STAG2: variants seen among roughly 807,000 people sequenced by gnomAD.
STAG2 encodes STAG2 cohesin complex component.
A neutral mutation model predicts 108.1 loss-of-function variants in STAG2; 14 were observed. That is an observed-to-expected ratio of 0.13 (90% CI 0.09 to 0.20). The LOEUF (loss-of-function observed/expected upper bound fraction) is 0.20, where lower values mean the gene tolerates loss of function less well. Ranked by LOEUF, STAG2 falls within the 10% of genes least tolerant of loss-of-function variation. The pLI is 1.00. For synonymous variants in STAG2, 307 were observed against 302.7 expected (o/e 1.01, Z -0.15); for missense variants, 440 against 940.9 (o/e 0.47, Z 6.96).
chrX:124,078,107 G>C, intron 27 of STAG2, 49 bp downstream of exon 27: 1 of 916,343 alleles, frequency 1.1e-6, no homozygotes, highest in Non-Finnish European at 1.5e-6. Flanking sequence ...ACACCTAATA[G>C]TTAGCAAAAT....
rs1009670582 is a variant in STAG2, at chrX:124,051,879, T to C, written c.1196+485T>C. Among the ~76,000 whole-genome samples the C allele has an allele frequency of 2.3e-4, 26 of 112,649 alleles. 1 individual carries two copies. The highest frequency in any genetic ancestry group is 1.7e-3 in the East Asian group (6 of 3,590). ...TGCTGGGATTACAGGCGTGAGCCACTGCGCCTGACCGAATATGGAAATTCT... is the reference window on the plus strand; with the variant it reads ...TGCTGGGATTACAGGCGTGAGCCACCGCGCCTGACCGAATATGGAAATTCT... On this transcript the variant is annotated intron_variant, in intron 13 of 34. Coordinates refer to ENST00000371145, the MANE Select transcript of STAG2 (RefSeq NM_001042750.2).
intron 1 of STAG2, among the ~76,000 whole-genome samples, chrX:123,971,392 C>A (rs1255992999): frequency 1.8e-5 from 2 of 112,220 alleles, no homozygotes; most frequent in African/African-American, 6.5e-5. Context: ...TGCGTCACTG[C>A]ACTCCAGCCT....
At chrX:124,059,364 A>G (rs895708004) in intron 15 of STAG2, among the ~76,000 whole-genome samples, 14 of 112,158 alleles carry the variant, frequency 1.2e-4, no homozygotes, top group African/African-American at 4.5e-4. Context: ...GAAGTGTCCA[A>G]TATTTCGACA....
At chrX:124,061,099 A>C in intron 15 of STAG2, 125 bp from the exon 16 acceptor site, 1 of 431,819 alleles carries the variant, frequency 2.3e-6, no homozygotes, top group Non-Finnish European at 3.8e-6. Flanking sequence ...CCTTTCATCT[A>C]TTTGACGTCA....
At chrX:124,069,827 A>G (rs1337280062) in intron 24 of STAG2, among the ~76,000 whole-genome samples, 2 of 111,931 alleles carry the variant, frequency 1.8e-5, no homozygotes, top group Non-Finnish European at 3.8e-5. Flanking sequence ...TTTCATCTCT[A>G]TAATTCAGAT....
At chrX:123,990,763 A>G in intron 1 of STAG2, among the ~76,000 whole-genome samples, 1 of 112,018 alleles carries the variant, frequency 8.9e-6, no homozygotes, top group East Asian at 2.8e-4. Context: ...ATTGAGGTTC[A>G]GTAGTTTATC....
intron 4 of STAG2, among the ~76,000 whole-genome samples, chrX:124,030,650 A>G (rs1230873590): frequency 8.9e-6 from 1 of 111,740 alleles, no homozygotes; most frequent in Non-Finnish European, 1.9e-5. Flanking sequence ...AACATCACTG[A>G]AACATAGTGT....
intron 4 of STAG2, among the ~76,000 whole-genome samples, chrX:124,028,794 TTATATATA>T (rs56052834): frequency 2.5e-4 from 19 of 75,006 alleles, no homozygotes; most frequent in South Asian, 7.9e-4. Flanking sequence ...TAAGAATAGT[TTATATATA>T]TATATATATA....
Position 124,066,373 on chromosome X carries a change from G to A in STAG2, c.2202G>A (p.Leu734=). ...TTTTACAGATTGTTATTCACGCACT[G>A]CAGTGTACTCACTATGTAATCCTTT... The part of the protein sequence containing the change: ...DMPEQIVIHA[L]QCTHYVILWQ... The change falls in exon 23 of 35, where the codon CTG becomes CTA. Residue 734 remains leucine, a synonymous_variant. Transcript: ENST00000371145. 8.3e-7 allele frequency: 1 copy of A among 1,207,084 alleles called. No individual in the cohort carries two copies. Among genetic ancestry groups the A allele is most frequent in the Non-Finnish European group, 1.1e-6 (1 of 892,174 alleles).
intron 5 of STAG2, among the ~76,000 whole-genome samples, chrX:124,031,726 A>C (rs1368519906): frequency 1.4e-5 from 1 of 71,001 alleles, no homozygotes; most frequent in African/African-American, 5.5e-5. Context: ...CCCATTATTT[A>C]TTATTATTAT....
chrX:124,056,147 A>T lies in STAG2; in HGVS notation c.1216A>T (p.Thr406Ser). The T allele has an allele frequency of 8.3e-7, 1 of 1,202,690 alleles. No individual in the cohort carries two copies. Among genetic ancestry groups the T allele is most frequent in the South Asian group, 1.8e-5 (1 of 55,193 alleles). Reference sequence around the variant, plus strand: ...TCTTAGGAGTAGTGAAGAAGTTCTCACTGCAGAAGATTGTGAAAATGTCTA... The same window carrying T: ...TCTTAGGAGTAGTGAAGAAGTTCTCTCTGCAGAAGATTGTGAAAATGTCTA... ...LVLQSSEEVL[T>S]AEDCENVYHL... Residue 406 changes from threonine (T) to serine (S), a missense_variant, in exon 14 of 35, where the codon ACT becomes TCT. Around this residue, in one of 3 missense-constraint regions of STAG2, gnomAD observed 337 missense variants for 649.3 expected, o/e 0.52. Transcript: ENST00000371145.
chrX:124,009,162 T>C (rs1156882944), intron 1 of STAG2, among the ~76,000 whole-genome samples: 1 of 111,280 alleles, frequency 9.0e-6, no homozygotes, highest in Non-Finnish European at 1.9e-5. Flanking sequence ...AGCATCTCGA[T>C]AGTTCTTTTG....
rs370465019 is a variant in STAG2 at position 124,057,920 on chromosome X, A to G, written c.1359A>G (p.Arg453=). 31 of 1,193,940 alleles carry G rather than the reference A, an allele frequency of 2.6e-5. No homozygotes were observed. The highest frequency in any genetic ancestry group is 3.5e-5 in the Non-Finnish European group (31 of 886,553). Residue 453 remains arginine (R), a synonymous_variant, in exon 15 of 35, where the codon AGA becomes AGG. Transcript: ENST00000371145. ...ATGGAATGATGAAAAGAAGAGGAAGACAAGGTCCAAATGCCAACCTTGTTA... is the reference window on the plus strand; with the variant it reads ...ATGGAATGATGAAAAGAAGAGGAAGGCAAGGTCCAAATGCCAACCTTGTTA... ...EEDGMMKRRG[R]QGPNANLVKT... is the part of the protein sequence containing the mutation.
At chrX:124,097,679 G>A (rs908776278) in intron 34 of STAG2, 7 of 338,201 alleles carry the variant, frequency 2.1e-5, no homozygotes, top group Non-Finnish European at 3.5e-5. Context: ...CTCAGCAACC[G>A]TGTGAGAAAG....
chrX:124,078,366 A>G (rs754912798), intron 27 of STAG2, among the ~76,000 whole-genome samples: 1 of 112,033 alleles, frequency 8.9e-6, no homozygotes, highest in South Asian at 3.7e-4. Flanking sequence ...CCAAGGTGAT[A>G]AGACAAGTTT....
chrX:124,040,929 C>T (rs1048498776), intron 6 of STAG2, among the ~76,000 whole-genome samples: 1 of 89,489 alleles, frequency 1.1e-5, no homozygotes, highest in Non-Finnish European at 2.1e-5. Context: ...GGTGTGATCT[C>T]GGCTCACTGC....
chrX:123,979,632 C>T (rs1306757120), intron 1 of STAG2, among the ~76,000 whole-genome samples: 1 of 111,436 alleles, frequency 9.0e-6, no homozygotes, highest in Non-Finnish European at 1.9e-5. Flanking sequence ...GAGGCCTATT[C>T]TCATGAATTG....
chrX:123,975,582 G>A (rs2054582668), intron 1 of STAG2, among the ~76,000 whole-genome samples: 1 of 111,813 alleles, frequency 8.9e-6, no homozygotes, highest in Non-Finnish European at 1.9e-5. Context: ...TCCTGCCTCA[G>A]CCTCCTGATT....
chrX:124,095,995 C>T (rs964123995), intron 34 of STAG2, among the ~76,000 whole-genome samples: 2 of 109,737 alleles, frequency 1.8e-5, no homozygotes, highest in African/African-American at 6.6e-5. Context: ...TTATATCAGT[C>T]CCCTGTGCCA....
Sources: gnomAD v4.1 joint callset for allele counts (sites outside exome capture counted in the v4.1 genomes callset) on GRCh38, gnomAD v4.1.1 for gene constraint, gnomAD v4.1.1 regional missense constraint, MANE v1.5 for transcripts, NCBI Gene and HGNC (gene_info 2026-07-23, HGNC 2026-07-21) for gene names.